SIK2: variants seen among roughly 807,000 people sequenced by gnomAD.
The protein encoded by SIK2 is serine/threonine-protein kinase SIK2.
SIK2 carries 29 observed loss-of-function variants against 103.2 expected under a neutral mutation model. The observed-to-expected ratio is 0.28, with a 90% CI of 0.21 to 0.38. The LOEUF is 0.38. Ranked by LOEUF, SIK2 falls within the 10% of genes least tolerant of loss-of-function variation. The probability of loss-of-function intolerance (pLI) is 1.00; values close to 1 mark genes in which losing one functional copy is unlikely to be tolerated. For missense variants in SIK2, 879 were observed against 1,171.0 expected (o/e 0.75, Z 3.64); for synonymous variants, 412 against 446.1 (o/e 0.92, Z 0.96).
intron 3 of SIK2, among the ~76,000 whole-genome samples, chr11:111,647,007 A>G (rs571386096): frequency 5.3e-5 from 8 of 152,364 alleles, no homozygotes; most frequent in Admixed American, 1.3e-4. Flanking sequence ...ATCATATGAT[A>G]GATACATGTT....
chr11:111,647,387 T>TA, intron 3 of SIK2, among the ~76,000 whole-genome samples: 1 of 152,194 alleles, frequency 6.6e-6, no homozygotes, highest in South Asian at 2.1e-4. Flanking sequence ...ATTTGAGTAC[T>TA]AGATTTAGAT....
At chr11:111,675,165 G>T (rs1290575426) in intron 3 of SIK2, among the ~76,000 whole-genome samples, 2 of 152,018 alleles carry the variant, frequency 1.3e-5, no homozygotes, top group Non-Finnish European at 2.9e-5. Flanking sequence ...ATATAATTGG[G>T]TTCAGATCTA....
intron 8 of SIK2, among the ~76,000 whole-genome samples, chr11:111,706,675 G>A (rs1163732201): frequency 6.6e-6 from 1 of 152,064 alleles, no homozygotes; most frequent in African/African-American, 2.4e-5. Context: ...TAAAATAAGA[G>A]TATTGGCTGG....
chr11:111,681,881 G>T (rs770339532), intron 3 of SIK2, among the ~76,000 whole-genome samples: 2 of 152,122 alleles, frequency 1.3e-5, no homozygotes, highest in Non-Finnish European at 2.9e-5. Context: ...TCAGGCCCCT[G>T]TTCCAGCATC....
rs201650385 is a variant in SIK2, at chr11:111,719,927, T to C, written c.1419T>C (p.Phe473=). The C allele has an allele frequency of 4.3e-6, 7 of 1,614,152 alleles. No individual in the cohort carries two copies. In the Middle Eastern group the frequency reaches 4.9e-4, roughly 114 times the overall value. The change falls in exon 10 of 15, where the codon TTT becomes TTC. Residue 473 remains phenylalanine (F), a synonymous_variant. Coordinates refer to ENST00000304987, the MANE Select transcript of SIK2 (RefSeq NM_015191.3). ...ACCCCGCTCATGCCTTTGAGGCATT[T>C]CAGTCCACACGCAGCGGGCAGAGAC... is the stretch of plus-strand genomic sequence containing the variant. ...EEDPAHAFEA[F]QSTRSGQRRH...
At chr11:111,628,480 C>T (rs1941995720) in intron 3 of SIK2, among the ~76,000 whole-genome samples, 1 of 63,178 alleles carries the variant, frequency 1.6e-5, no homozygotes, top group Non-Finnish European at 4.6e-5. Flanking sequence ...ACTCTGTCAC[C>T]CATTCTGGAG....
intron 8 of SIK2, among the ~76,000 whole-genome samples, chr11:111,706,777 T>G (rs975337398): frequency 6.6e-6 from 1 of 151,846 alleles, no homozygotes; most frequent in African/African-American, 2.4e-5. Flanking sequence ...CTGGCCAACA[T>G]GGTGAAACCC....
At chr11:111,668,049 G>C (rs1372835459) in intron 3 of SIK2, among the ~76,000 whole-genome samples, 7 of 152,144 alleles carry the variant, frequency 4.6e-5, no homozygotes, top group South Asian at 2.1e-4. Flanking sequence ...TTCTTAGTGA[G>C]ATGATACTCT....
chr11:111,720,918 A>ACATCTT lies in SIK2; in HGVS notation c.1803_1808dup (p.His601_Leu602dup). 6.2e-7 allele frequency: 1 copy of ACATCTT among 1,613,766 alleles called. No individual in the cohort carries two copies. The highest frequency in any genetic ancestry group is 8.5e-7 in the Non-Finnish European group (1 of 1,179,918). On this transcript the variant is annotated inframe_insertion, in exon 12 of 15. Transcript: ENST00000304987. The stretch of plus-strand genomic sequence containing the variant: ...TTTCAGGAATTGTAGCATTTAGACA[A>ACATCTT]CATCTTCAGAATCTGGCTAGAACCA...
chr11:111,614,240 T>A lies in SIK2; in HGVS notation c.136-2003T>A, dbSNP rs577927577. Among the ~76,000 whole-genome samples the A allele has an allele frequency of 7.2e-5, 11 of 152,184 alleles. No individual in the cohort carries two copies. The East Asian group carries it at 2.1e-3, about 30-fold the overall frequency. ...CTGGGATTACAGGCACCCACCACCATGCCTAGCTAATTTTTATGTTTTTAG... is the reference window on the plus strand; with the variant it reads ...CTGGGATTACAGGCACCCACCACCAAGCCTAGCTAATTTTTATGTTTTTAG... On this transcript the variant is annotated intron_variant, in intron 1 of 14. Coordinates refer to ENST00000304987, the MANE Select transcript of SIK2 (RefSeq NM_015191.3).
chr11:111,701,017 C>T lies in SIK2; in HGVS notation c.603+7C>T, dbSNP rs761949090. 6.2e-7 allele frequency: 1 copy of T among 1,612,894 alleles called. No individual in the cohort carries two copies. Among genetic ancestry groups the T allele is most frequent in the Non-Finnish European group, 8.5e-7 (1 of 1,179,206 alleles). ...ACCACAGCTGGACATCTGGGTACTGCTTTGCTTTGCTGTGTTGTTAAATGC... is the reference window on the plus strand; with the variant it reads ...ACCACAGCTGGACATCTGGGTACTGTTTTGCTTTGCTGTGTTGTTAAATGC... On this transcript the variant is annotated splice_region_variant and intron_variant, in intron 5 of 14. Transcript: ENST00000304987. The surrounding 1 kb of genome is among the most constrained non-coding windows in gnomAD (Gnocchi z 4.2).
chr11:111,710,336 CTTGT>C (rs1263506551), intron 8 of SIK2, among the ~76,000 whole-genome samples: 7 of 152,226 alleles, frequency 4.6e-5, no homozygotes, highest in East Asian at 1.9e-4. Context: ...CAGTTGTTTA[CTTGT>C]TTGTTTATTT....
At chr11:111,655,633 A>G (rs1327572209) in intron 3 of SIK2, among the ~76,000 whole-genome samples, 1 of 152,186 alleles carries the variant, frequency 6.6e-6, no homozygotes, top group Non-Finnish European at 1.5e-5. Context: ...CTTGGAAGAC[A>G]GTGGCCTGAG....
chr11:111,701,410 A>T lies in SIK2; in HGVS notation c.604-42A>T. 1 of 1,595,436 alleles carries T rather than the reference A, an allele frequency of 6.3e-7. No individual in the cohort carries two copies. Among genetic ancestry groups the T allele is most frequent in the Non-Finnish European group, 8.6e-7 (1 of 1,167,268 alleles). ...TGTTCAGGAAAACAAAGAGTGTTTG[A>T]CGTTCTTGGTAGAAAAGTCTCTGCA... On this transcript the variant is annotated intron_variant, in intron 5 of 14. Transcript: ENST00000304987. This position sits in a 1 kb window ranked among gnomAD's most constrained non-coding sequence, Gnocchi z 4.2.
chr11:111,666,701 T>C (rs1476692874), intron 3 of SIK2, among the ~76,000 whole-genome samples: 1 of 152,212 alleles, frequency 6.6e-6, no homozygotes, highest in Non-Finnish European at 1.5e-5. Flanking sequence ...GATGCTTTGA[T>C]TAAAATTTCA....
At chr11:111,718,622 C>G (rs540308456) in intron 9 of SIK2, 1 of 152,316 alleles carries the variant, frequency 6.6e-6, no homozygotes, top group East Asian at 1.9e-4. Context: ...AATAAAGGGC[C>G]TCGCAGCGCC....
intron 3 of SIK2, among the ~76,000 whole-genome samples, chr11:111,668,530 C>T (rs555377010): frequency 6.6e-6 from 1 of 152,266 alleles, no homozygotes; most frequent in East Asian, 1.9e-4. Context: ...TATGACCAGT[C>T]ACACTTCATT....
At chr11:111,659,337 T>C (rs1209798854) in intron 3 of SIK2, among the ~76,000 whole-genome samples, 1 of 152,180 alleles carries the variant, frequency 6.6e-6, no homozygotes, top group Non-Finnish European at 1.5e-5. Context: ...GTTCTAGACA[T>C]GGCTTGTTAA....
intron 3 of SIK2, among the ~76,000 whole-genome samples, chr11:111,630,199 A>C (rs143912111): frequency 1.6e-4 from 25 of 152,280 alleles, no homozygotes; most frequent in African/African-American, 6.0e-4. Context: ...GACATGTGCT[A>C]AGTAAAAGAA....
Sources: allele counts gnomAD v4.1 joint callset (sites outside exome capture counted in the v4.1 genomes callset), GRCh38; gene constraint gnomAD v4.1.1; non-coding constraint Gnocchi (gnomAD v3.1); transcripts MANE v1.5; gene names NCBI Gene and HGNC (gene_info 2026-07-23, HGNC 2026-07-21).